Variants in LINGO2 observed in about 807,000 individuals in gnomAD.
The protein encoded by LINGO2 is leucine-rich repeat and immunoglobulin-like domain-containing nogo receptor-interacting protein 2.
LINGO2 carries 14 observed loss-of-function variants against 30.6 expected under a neutral mutation model. That is an observed-to-expected ratio of 0.46 (90% confidence interval 0.30 to 0.72). The LOEUF is 0.72. LINGO2 is among the 30% of genes least tolerant of loss of function. LINGO2 has a pLI of 0.07. For synonymous variants in LINGO2, 317 were observed against 288.5 expected (o/e 1.10, Z -1.00); for missense variants, 729 against 751.7 (o/e 0.97, Z 0.35).
chr9:28,150,342 C>T (rs62556552), intron 4 of LINGO2, among the ~76,000 whole-genome samples: 11,750 of 152,196 alleles, frequency 0.077, 579 homozygotes, highest in African/African-American at 0.13. Flanking sequence ...TTTGCATTTT[C>T]GACATTGAAG....
intron 3 of LINGO2, among the ~76,000 whole-genome samples, chr9:28,361,270 A>G (rs1820429809): frequency 6.6e-6 from 1 of 152,156 alleles, no homozygotes; most frequent in Admixed American, 6.6e-5. Context: ...TTAATATTTA[A>G]TTATTAGTTA....
intron 1 of LINGO2, among the ~76,000 whole-genome samples, chr9:28,587,744 C>A (rs1031654627): frequency 1.3e-5 from 2 of 151,848 alleles, no homozygotes; most frequent in African/African-American, 4.8e-5. Flanking sequence ...TGAAAGCACT[C>A]GGGTTACTCA....
intron 5 of LINGO2, among the ~76,000 whole-genome samples, chr9:27,976,034 C>T (rs1235556748): frequency 6.6e-6 from 1 of 152,018 alleles, no homozygotes; most frequent in African/African-American, 2.4e-5. Context: ...TCAGGCTGGT[C>T]CTAGCACTTA....
At chr9:28,903,023 A>G in the LINGO2 span, among the ~76,000 whole-genome samples, 498 of 152,018 alleles carry the variant, frequency 3.3e-3, no homozygotes, top group African/African-American at 0.011. Flanking sequence ...AATAGTAAAG[A>G]TCAGAGCAGA....
intron 4 of LINGO2, among the ~76,000 whole-genome samples, chr9:28,223,877 C>A (rs529162590): frequency 6.6e-6 from 1 of 152,072 alleles, no homozygotes; most frequent in Non-Finnish European, 1.5e-5. Flanking sequence ...GAGTATTTAG[C>A]CCCCAAAATA....
At chr9:28,979,505 T>TAC in the LINGO2 span, among the ~76,000 whole-genome samples, 84,248 of 151,070 alleles carry the variant, frequency 0.56, 23,642 homozygotes, top group Non-Finnish European at 0.6. Flanking sequence ...TATTTTATTT[T>TAC]ACACACACAC....
chr9:28,241,001 T>C (rs1181445876), intron 4 of LINGO2, among the ~76,000 whole-genome samples: 1 of 152,062 alleles, frequency 6.6e-6, no homozygotes, highest in East Asian at 1.9e-4. Context: ...TCGGGCACAG[T>C]GGCTCACGCC....
At chr9:29,037,846 T>G in the LINGO2 span, among the ~76,000 whole-genome samples, 1 of 151,990 alleles carries the variant, frequency 6.6e-6, no homozygotes, top group Admixed American at 6.6e-5. Context: ...ATTAAACAAT[T>G]TAACAATATT....
chr9:28,480,867 C>G (rs1825935049), intron 1 of LINGO2, among the ~76,000 whole-genome samples: 1 of 151,978 alleles, frequency 6.6e-6, no homozygotes, highest in African/African-American at 2.4e-5. Context: ...AAAGGCATTG[C>G]GACTTCTCTA....
chr9:28,938,839 ATAT>A, the LINGO2 span, among the ~76,000 whole-genome samples: 41 of 152,148 alleles, frequency 2.7e-4, no homozygotes, highest in Non-Finnish European at 5.1e-4. Flanking sequence ...ACTGTAACAA[ATAT>A]TATACTATTT....
chr9:29,155,839 A>G, the LINGO2 span, among the ~76,000 whole-genome samples: 1 of 152,196 alleles, frequency 6.6e-6, no homozygotes, highest in East Asian at 1.9e-4. Flanking sequence ...TTACAGTGCC[A>G]TCTCAAGAAA....
intron 2 of LINGO2, among the ~76,000 whole-genome samples, chr9:28,375,102 AC>A (rs2134593688): frequency 2.0e-5 from 1 of 51,166 alleles, no homozygotes; most frequent in South Asian, 5.5e-4. Flanking sequence ...ACACACACAC[AC>A]ACACACACAC....
At chr9:28,685,422 T>C in the LINGO2 span, among the ~76,000 whole-genome samples, 25 of 152,192 alleles carry the variant, frequency 1.6e-4, no homozygotes, top group African/African-American at 6.0e-4. Context: ...AAAATAGATG[T>C]ACTTTGCAAG....
the LINGO2 span, among the ~76,000 whole-genome samples, chr9:28,807,871 C>T: frequency 6.6e-6 from 1 of 151,972 alleles, no homozygotes; most frequent in Non-Finnish European, 1.5e-5. Flanking sequence ...ATTTAATAAC[C>T]TCAGTGTCTA....
At chr9:28,206,832 G>C (rs1047197123) in intron 4 of LINGO2, among the ~76,000 whole-genome samples, 34 of 152,126 alleles carry the variant, frequency 2.2e-4, no homozygotes, top group African/African-American at 7.9e-4. Flanking sequence ...AGGTTATACT[G>C]GTTCAATGGC....
intron 1 of LINGO2, among the ~76,000 whole-genome samples, chr9:28,565,008 A>C (rs1823292756): frequency 6.6e-6 from 1 of 152,058 alleles, no homozygotes; most frequent in African/African-American, 2.4e-5. Context: ...TGCTTCCTGT[A>C]CACCCCTCCA....
the LINGO2 span, among the ~76,000 whole-genome samples, chr9:28,843,347 G>T: frequency 6.6e-6 from 1 of 151,546 alleles, no homozygotes; most frequent in Non-Finnish European, 1.5e-5. Context: ...CCTCATATAT[G>T]TGGGTTTCTA....
intron 5 of LINGO2, among the ~76,000 whole-genome samples, chr9:27,985,055 ATTTTAG>A (rs1386253447): frequency 1.3e-5 from 2 of 151,860 alleles, no homozygotes; most frequent in African/African-American, 2.4e-5. Flanking sequence ...ACTCTGAATT[ATTTTAG>A]TTTAACAGTT....
At chr9:29,097,965 G>A in the LINGO2 span, among the ~76,000 whole-genome samples, 1 of 89,236 alleles carries the variant, frequency 1.1e-5, no homozygotes, top group Non-Finnish European at 2.4e-5. Flanking sequence ...TCATGACAAT[G>A]TGCCTAAACC....
Sources: gnomAD v4.1 joint callset for allele counts (sites outside exome capture counted in the v4.1 genomes callset) on GRCh38, gnomAD v4.1.1 for gene constraint, MANE v1.5 for transcripts, NCBI Gene and HGNC (gene_info 2026-07-23, HGNC 2026-07-21) for gene names.